ARB2A: variants seen among roughly 807,000 people sequenced by gnomAD.
ARB2A encodes cotranscriptional regulator ARB2A.
chr5:93,820,307 A>C, the ARB2A span, among the ~76,000 whole-genome samples: 1 of 152,212 alleles, frequency 6.6e-6, no homozygotes. Context: ...TTTCCAAATT[A>C]AATAAAAAAT....
the ARB2A span, among the ~76,000 whole-genome samples, chr5:93,624,634 T>G: frequency 1.3e-5 from 2 of 152,292 alleles, no homozygotes; most frequent in African/African-American, 4.8e-5. Context: ...CAGTGGTTCT[T>G]AATGGAGATG....
At chr5:93,781,202 C>G in the ARB2A span, among the ~76,000 whole-genome samples, 2 of 152,072 alleles carry the variant, frequency 1.3e-5, no homozygotes, top group Non-Finnish European at 2.9e-5. Flanking sequence ...GTCTATTATT[C>G]TACTTTGTAT....
chr5:94,014,670 T>G, the ARB2A span, among the ~76,000 whole-genome samples: 2 of 151,742 alleles, frequency 1.3e-5, no homozygotes, highest in African/African-American at 2.4e-5. Flanking sequence ...ATTCAGAAAT[T>G]TATCACAGAA....
chr5:93,872,044 G>C, the ARB2A span, among the ~76,000 whole-genome samples: 1 of 151,550 alleles, frequency 6.6e-6, no homozygotes, highest in Non-Finnish European at 1.5e-5. Context: ...TGCCTCCCCG[G>C]TTCAAGCAAT....
the ARB2A span, among the ~76,000 whole-genome samples, chr5:93,892,994 GATCA>G: frequency 7.9e-5 from 12 of 152,038 alleles, no homozygotes; most frequent in South Asian, 1.0e-3. Flanking sequence ...TTCAAGCCCA[GATCA>G]ATCTGGATTC....
chr5:93,815,261 T>C, the ARB2A span, among the ~76,000 whole-genome samples: 2 of 152,156 alleles, frequency 1.3e-5, no homozygotes, highest in Non-Finnish European at 2.9e-5. Flanking sequence ...GTGAGAACAA[T>C]TGATATACAT....
the ARB2A span, among the ~76,000 whole-genome samples, chr5:94,068,563 T>C: frequency 6.6e-6 from 1 of 152,154 alleles, no homozygotes; most frequent in Non-Finnish European, 1.5e-5. Flanking sequence ...TGGGTTTATA[T>C]CCAGATCACT....
the ARB2A span, among the ~76,000 whole-genome samples, chr5:93,650,547 T>C: frequency 6.6e-6 from 1 of 152,090 alleles, no homozygotes; most frequent in Non-Finnish European, 1.5e-5. Flanking sequence ...AACTAATTTA[T>C]ATGTAATTGG....
the ARB2A span, among the ~76,000 whole-genome samples, chr5:94,033,867 T>C: frequency 2.0e-5 from 3 of 152,238 alleles, no homozygotes; most frequent in African/African-American, 4.8e-5. Flanking sequence ...AAGTGGTGCC[T>C]TTAAGAGGTG....
chr5:93,965,572 AG>A, the ARB2A span, among the ~76,000 whole-genome samples: 5 of 152,066 alleles, frequency 3.3e-5, no homozygotes, highest in Admixed American at 6.6e-5. Context: ...CTGTTAAGGA[AG>A]GCAAAGAGTA....
the ARB2A span, among the ~76,000 whole-genome samples, chr5:93,872,689 G>A: frequency 2.6e-5 from 4 of 151,726 alleles, no homozygotes; most frequent in Admixed American, 6.6e-5. Context: ...AGGCTGAGGC[G>A]GGCGGATCAC....
the ARB2A span, among the ~76,000 whole-genome samples, chr5:93,753,558 A>G: frequency 6.6e-6 from 1 of 152,210 alleles, no homozygotes; most frequent in African/African-American, 2.4e-5. Flanking sequence ...TCCAAATCCA[A>G]GAAAGGCCCA....
chr5:93,719,004 CTT>C, the ARB2A span, among the ~76,000 whole-genome samples: 5 of 152,324 alleles, frequency 3.3e-5, no homozygotes, highest in African/African-American at 9.6e-5. Flanking sequence ...ACAGCTCTCT[CTT>C]GGATGTCTTC....
At chr5:93,737,063 C>CA in the ARB2A span, 1 of 152,056 alleles carries the variant, frequency 6.6e-6, no homozygotes, top group African/African-American at 2.4e-5. Flanking sequence ...AAGAATGCAC[C>CA]AAAAAACTGG....
the ARB2A span, among the ~76,000 whole-genome samples, chr5:93,754,099 GAAT>G: frequency 6.6e-6 from 1 of 152,156 alleles, no homozygotes; most frequent in East Asian, 1.9e-4. Flanking sequence ...AGGAATAGTG[GAAT>G]AATAATAATT....
chr5:94,002,038 T>C, the ARB2A span, among the ~76,000 whole-genome samples: 245 of 152,228 alleles, frequency 1.6e-3, 1 homozygote, highest in Non-Finnish European at 2.2e-3. Flanking sequence ...CAGTTTTTTC[T>C]TCCCCTCTTA....
the ARB2A span, among the ~76,000 whole-genome samples, chr5:93,758,059 C>A: frequency 1.3e-5 from 2 of 152,086 alleles, no homozygotes; most frequent in Non-Finnish European, 2.9e-5. Flanking sequence ...AACAGCGTTT[C>A]ATGCAAATGG....
the ARB2A span, among the ~76,000 whole-genome samples, chr5:93,632,372 G>A: frequency 6.6e-6 from 1 of 152,140 alleles, no homozygotes; most frequent in African/African-American, 2.4e-5. Flanking sequence ...CAAGTGCCGG[G>A]GCTCTAAGGA....
chr5:93,807,167 T>C, the ARB2A span, among the ~76,000 whole-genome samples: 1 of 151,952 alleles, frequency 6.6e-6, no homozygotes, highest in African/African-American at 2.4e-5. Context: ...TTGGAGGTAA[T>C]GGGCATTTTC....
Sources: allele counts gnomAD v4.1 joint callset (sites outside exome capture counted in the v4.1 genomes callset), GRCh38; gene constraint gnomAD v4.1.1; transcripts MANE v1.5; gene names NCBI Gene and HGNC (gene_info 2026-07-23, HGNC 2026-07-21).